The following ASIC2 variants were observed in gnomAD, a reference collection of about 807,000 sequenced individuals.
ASIC2 encodes acid-sensing ion channel 2.
A neutral mutation model predicts 57.3 loss-of-function variants in ASIC2; 25 were observed. The observed-to-expected ratio is 0.44, with a 90% confidence interval of 0.32 to 0.61. ASIC2 has a LOEUF of 0.61. ASIC2 is among the 20% of genes least tolerant of loss of function. The pLI is 0.06. For missense variants in ASIC2, 641 were observed against 738.1 expected, an observed-to-expected ratio of 0.87 and a Z score of 1.52; for synonymous variants, 319 against 307.5, an observed-to-expected ratio of 1.04 and a Z score of -0.39.
chr17:33,123,462 A>G (rs2092310855), intron 1 of ASIC2, among the ~76,000 whole-genome samples: 1 of 152,240 alleles, frequency 6.6e-6, no homozygotes, highest in Non-Finnish European at 1.5e-5. Context: ...ACTCAGAGAT[A>G]GTAGAATGGT....
intron 1 of ASIC2, among the ~76,000 whole-genome samples, chr17:34,104,350 C>G (rs1598028578): frequency 1.3e-5 from 2 of 151,910 alleles, no homozygotes; most frequent in Admixed American, 6.6e-5. Context: ...TTTGTTCATT[C>G]CTCAGGCTTT....
At chr17:34,139,159 G>A (rs989671449) in intron 1 of ASIC2, among the ~76,000 whole-genome samples, 1 of 152,274 alleles carries the variant, frequency 6.6e-6, no homozygotes, top group Non-Finnish European at 1.5e-5. Flanking sequence ...TGGGAGAGGA[G>A]GCAATGGAGC....
intron 3 of ASIC2, among the ~76,000 whole-genome samples, chr17:33,036,442 A>T (rs558761901): frequency 6.6e-6 from 1 of 152,096 alleles, no homozygotes; most frequent in African/African-American, 2.4e-5. Flanking sequence ...TTAATTAGTT[A>T]GTTTTAGAGA....
At chr17:33,483,734 C>G (rs944692252) in intron 1 of ASIC2, among the ~76,000 whole-genome samples, 1 of 152,180 alleles carries the variant, frequency 6.6e-6, no homozygotes, top group South Asian at 2.1e-4. Flanking sequence ...ATCTTATGGC[C>G]TATAAATTGG....
At chr17:33,977,651 G>A (rs549412274) in intron 1 of ASIC2, among the ~76,000 whole-genome samples, 1 of 152,282 alleles carries the variant, frequency 6.6e-6, no homozygotes, top group South Asian at 2.1e-4. Flanking sequence ...TCCTAAGAGA[G>A]ATCTTTCCCA....
At chr17:33,562,508 T>C (rs568995752) in intron 1 of ASIC2, among the ~76,000 whole-genome samples, 1 of 152,210 alleles carries the variant, frequency 6.6e-6, no homozygotes, top group Non-Finnish European at 1.5e-5. Flanking sequence ...TGGATGTCAT[T>C]GCTGCATCAG....
intron 1 of ASIC2, among the ~76,000 whole-genome samples, chr17:34,020,142 T>C (rs1907103928): frequency 6.6e-6 from 1 of 152,230 alleles, no homozygotes; most frequent in Non-Finnish European, 1.5e-5. Flanking sequence ...ACCACACTAA[T>C]ATTAACAGCA....
intron 1 of ASIC2, among the ~76,000 whole-genome samples, chr17:33,240,602 T>C (rs950441496): frequency 6.6e-6 from 1 of 152,152 alleles, no homozygotes; most frequent in Admixed American, 6.5e-5. Flanking sequence ...GCCATTTAAT[T>C]AGATTCCCCA....
chr17:34,022,424 TA>T (rs1907200717), intron 1 of ASIC2, among the ~76,000 whole-genome samples: 1 of 152,152 alleles, frequency 6.6e-6, no homozygotes, highest in Non-Finnish European at 1.5e-5. Context: ...TGCTCAGAGT[TA>T]ACCTTTACTT....
intron 1 of ASIC2, among the ~76,000 whole-genome samples, chr17:34,099,102 AAG>A (rs74200841): frequency 0.051 from 4,124 of 81,130 alleles, 102 homozygotes; most frequent in East Asian, 0.095. Flanking sequence ...TAAGAGAGAA[AAG>A]AGAGAGAGAG....
At chr17:33,594,351 C>G (rs1904916492) in intron 1 of ASIC2, among the ~76,000 whole-genome samples, 3 of 152,258 alleles carry the variant, frequency 2.0e-5, no homozygotes, top group African/African-American at 7.2e-5. Flanking sequence ...ATGGCTGGAT[C>G]AGGTGCAAGT....
intron 1 of ASIC2, among the ~76,000 whole-genome samples, chr17:33,407,052 T>C (rs1553498): frequency 0.33 from 50,060 of 152,072 alleles, 8,968 homozygotes; most frequent in African/African-American, 0.47. Flanking sequence ...GCCATGTAAT[T>C]TAGTTATTTA....
intron 1 of ASIC2, among the ~76,000 whole-genome samples, chr17:33,414,335 C>G (rs539812609): frequency 6.6e-6 from 1 of 151,952 alleles, no homozygotes; most frequent in East Asian, 1.9e-4. Flanking sequence ...GAGGATGCAG[C>G]GATGGTCTGG....
chr17:33,548,695 T>C (rs934388345), intron 1 of ASIC2, among the ~76,000 whole-genome samples: 1 of 152,178 alleles, frequency 6.6e-6, no homozygotes, highest in Non-Finnish European at 1.5e-5. Flanking sequence ...TGGTCAGTTA[T>C]GGTCAGACAC....
At chr17:33,932,385 C>T (rs1567759982) in intron 1 of ASIC2, among the ~76,000 whole-genome samples, 2 of 152,102 alleles carry the variant, frequency 1.3e-5, no homozygotes, top group Non-Finnish European at 2.9e-5. Flanking sequence ...AATGATAATA[C>T]TTTGGATATA....
At chr17:33,804,887 CT>C (rs112023919) in intron 1 of ASIC2, among the ~76,000 whole-genome samples, 13,587 of 146,922 alleles carry the variant, frequency 0.092, 685 homozygotes, top group East Asian at 0.19. Context: ...TTTGATCTCT[CT>C]TTTTTTTTTT....
chr17:34,108,550 A>G (rs1911149633), intron 1 of ASIC2, among the ~76,000 whole-genome samples: 6 of 152,150 alleles, frequency 3.9e-5, no homozygotes, highest in Admixed American at 3.3e-4. Flanking sequence ...TATGATATTT[A>G]CGTTATATGG....
At chr17:33,612,494 G>A (rs1944782434) in intron 1 of ASIC2, among the ~76,000 whole-genome samples, 1 of 152,230 alleles carries the variant, frequency 6.6e-6, no homozygotes, top group African/African-American at 2.4e-5. Context: ...GTCACATTGA[G>A]AGGTACCTAT....
At chr17:33,895,988 T>C (rs1448193052) in intron 1 of ASIC2, among the ~76,000 whole-genome samples, 1 of 151,224 alleles carries the variant, frequency 6.6e-6, no homozygotes, top group African/African-American at 2.4e-5. Flanking sequence ...GTCAGGGTAA[T>C]TATGACGATT....
Sources: gnomAD v4.1 joint callset for allele counts (sites outside exome capture counted in the v4.1 genomes callset) on GRCh38, gnomAD v4.1.1 for gene constraint, MANE v1.5 for transcripts, NCBI Gene and HGNC (gene_info 2026-07-23, HGNC 2026-07-21) for gene names.